HERC3: variants seen among roughly 807,000 people sequenced by gnomAD.
HERC3 encodes the protein probable E3 ubiquitin-protein ligase HERC3.
HERC3 carries 58 observed loss-of-function variants against 129.9 expected under a neutral mutation model. The observed-to-expected ratio is 0.45, with a 90% CI of 0.36 to 0.56. The LOEUF is 0.56. Among genes scored for constraint, HERC3 ranks in the 20% least tolerant of loss-of-function variants. The pLI is 0.00. For synonymous variants in HERC3, 430 were observed against 451.0 expected (o/e 0.95, Z 0.59); for missense variants, 835 against 1,244.2 (o/e 0.67, Z 4.95).
chr4:88,542,224 A>C, the HERC3 span, among the ~76,000 whole-genome samples: 1 of 152,186 alleles, frequency 6.6e-6, no homozygotes, highest in African/African-American at 2.4e-5. Flanking sequence ...AAGAGAGAAG[A>C]ATCAAATAGA....
At chr4:88,642,130 CAAAAAAAAAAAAA>C (rs200464130) in intron 3 of HERC3, among the ~76,000 whole-genome samples, 4 of 77,068 alleles carry the variant, frequency 5.2e-5, no homozygotes, top group African/African-American at 1.0e-4. Flanking sequence ...GACTCTGTCT[CAAAAAAAAAAAAA>C]AAAAAAAAAG....
At chr4:88,587,839 G>A (rs1009490693), upstream of HERC3, among the ~76,000 whole-genome samples, 2 of 152,202 alleles carry the variant, frequency 1.3e-5, no homozygotes, top group Non-Finnish European at 2.9e-5. Flanking sequence ...GATGACAAAC[G>A]TGATCTTTGC....
chr4:88,559,493 T>C, the HERC3 span, among the ~76,000 whole-genome samples: 24 of 152,342 alleles, frequency 1.6e-4, no homozygotes, highest in Admixed American at 3.3e-4. Context: ...GTATAGTTGT[T>C]GTTTTGTTTT....
At chr4:88,618,227 G>C (rs1725134999) in intron 3 of HERC3, among the ~76,000 whole-genome samples, 1 of 152,168 alleles carries the variant, frequency 6.6e-6, no homozygotes, top group African/African-American at 2.4e-5. Context: ...TAAGAAACTG[G>C]AAGTTTATTG....
At chr4:88,554,211 T>C in the HERC3 span, among the ~76,000 whole-genome samples, 11,508 of 152,020 alleles carry the variant, frequency 0.076, 611 homozygotes, top group East Asian at 0.28. Flanking sequence ...CTGGGTGTCG[T>C]GGCATGCGCC....
At chr4:88,614,905 C>A (rs557847805) in intron 3 of HERC3, among the ~76,000 whole-genome samples, 18 of 152,242 alleles carry the variant, frequency 1.2e-4, no homozygotes, top group African/African-American at 4.3e-4. Flanking sequence ...TGCAGTTCAG[C>A]AGGTGTCAAA....
the HERC3 span, among the ~76,000 whole-genome samples, chr4:88,581,456 C>T: frequency 2.1e-5 from 3 of 141,170 alleles, no homozygotes; most frequent in Admixed American, 6.7e-5. Context: ...CGCGACCATG[C>T]CTGGCTAAAT....
rs1297971173 is a variant in HERC3 at position 88,601,917 on chromosome 4, G to A, written c.-29-3878G>A. Among the ~76,000 whole-genome samples the A allele has an allele frequency of 1.2e-4, 15 of 120,850 alleles. 2 individuals carry two copies. Among genetic ancestry groups the A allele is most frequent in the African/African-American group, 1.6e-4 (3 of 18,648 alleles). 79.3% of individuals were successfully genotyped at this position (120,850 alleles called of 152,430 possible). ...TAAAAATACAAAAAATTAGCCGGGC[G>A]TAGTGGCGGGCGCCTGTAGTCCCAG... is the stretch of plus-strand genomic sequence containing the variant. On this transcript the variant is annotated intron_variant, in intron 2 of 25. Coordinates refer to ENST00000402738, the MANE Select transcript of HERC3 (RefSeq NM_014606.3).
chr4:88,594,781 A>T (rs551628508), intron 1 of HERC3, among the ~76,000 whole-genome samples: 2 of 152,044 alleles, frequency 1.3e-5, no homozygotes, highest in Non-Finnish European at 2.9e-5. Context: ...ATGATGGAGG[A>T]TGTGGTAATG....
intron 23 of HERC3, among the ~76,000 whole-genome samples, chr4:88,695,113 G>T (rs1321347767): frequency 2.0e-5 from 3 of 152,028 alleles, no homozygotes; most frequent in Non-Finnish European, 4.4e-5. Context: ...AATTTTATTA[G>T]ATTTTTTCTC....
In HERC3 at chr4:88,658,443, G is replaced by A. The variant is rs1578258422; in HGVS notation, c.1098G>A (p.Gln366=). The A allele has an allele frequency of 6.2e-7, 1 of 1,604,200 alleles. No individual in the cohort carries two copies. Among genetic ancestry groups the A allele is most frequent in the Non-Finnish European group, 8.5e-7 (1 of 1,174,592 alleles). ...ADRFKYHIVK[Q]IFSGGDQTFV... is the part of the protein sequence containing the mutation. ...GCTTTAAATATCATATCGTTAAGCA[G>A]ATCTTCTCTGGAGGAGACCAGACTT... Residue 366 remains glutamine (Q), a synonymous_variant, in exon 10 of 26, where the codon CAG becomes CAA. Coordinates refer to ENST00000402738, the MANE Select transcript of HERC3 (RefSeq NM_014606.3).
chr4:88,689,788 G>A (rs886843362), intron 23 of HERC3, among the ~76,000 whole-genome samples: 2 of 152,082 alleles, frequency 1.3e-5, no homozygotes, highest in Non-Finnish European at 2.9e-5. Flanking sequence ...ATGTTGGCCA[G>A]ACTGGTCTCG....
chr4:88,545,280 CA>C, the HERC3 span, among the ~76,000 whole-genome samples: 17 of 152,066 alleles, frequency 1.1e-4, no homozygotes, highest in South Asian at 6.2e-4. Context: ...TTAAAAATAA[CA>C]TTTTTTTCTA....
chr4:88,690,619 G>C (rs1349995470), intron 23 of HERC3: 1 of 985,312 alleles, frequency 1.0e-6, no homozygotes, highest in Non-Finnish European at 1.2e-6. Flanking sequence ...GAATGACCTA[G>C]TGCAGGAATA....
rs547907906 is a variant in HERC3 at position 88,694,145 on chromosome 4, G to C, written c.2657+6846G>C. Among the ~76,000 whole-genome samples the C allele has an allele frequency of 4.6e-5, 7 of 152,268 alleles. No individual in the cohort carries two copies. The South Asian group carries it at 1.2e-3, about 27-fold the overall frequency. On this transcript the variant is annotated intron_variant, in intron 23 of 25. Transcript: ENST00000402738. ...GAAAGATTGCTGGCCAGAGCACATA[G>C]CTAGGAACACTTGTCTCTAGACCCT...
At chr4:88,672,377 T>A (rs1245797290) in intron 16 of HERC3, among the ~76,000 whole-genome samples, 1 of 152,206 alleles carries the variant, frequency 6.6e-6, no homozygotes, top group African/African-American at 2.4e-5. Context: ...TAAAGAAATA[T>A]GGAAAATTAC....
intron 3 of HERC3, among the ~76,000 whole-genome samples, chr4:88,642,929 AG>A (rs1728279444): frequency 6.6e-6 from 1 of 151,614 alleles, no homozygotes; most frequent in African/African-American, 2.4e-5. Flanking sequence ...TGTGGGTGGC[AG>A]GGGGAAGCAA....
chr4:88,687,392 T>A, intron 23 of HERC3, 93 bp downstream of exon 23: 2 of 672,314 alleles, frequency 3.0e-6, no homozygotes, highest in Non-Finnish European at 4.9e-6. Flanking sequence ...TTTTTAATAT[T>A]AATACCTTCT....
intron 16 of HERC3, among the ~76,000 whole-genome samples, chr4:88,673,997 G>A (rs1422307934): frequency 6.6e-6 from 1 of 152,112 alleles, no homozygotes; most frequent in East Asian, 1.9e-4. Context: ...TTTGGCTGTG[G>A]CTCCTAACTG....
Sources: gnomAD v4.1 joint callset for allele counts (sites outside exome capture counted in the v4.1 genomes callset) on GRCh38, gnomAD v4.1.1 for gene constraint, MANE v1.5 for transcripts, NCBI Gene and HGNC (gene_info 2026-07-23, HGNC 2026-07-21) for gene names.